KDM2B: variants seen among roughly 807,000 people sequenced by gnomAD.
KDM2B encodes lysine demethylase 2B.
A neutral mutation model predicts 150.0 loss-of-function variants in KDM2B; 26 were observed. That is an observed-to-expected ratio of 0.17 (90% CI 0.13 to 0.24). The LOEUF is 0.24. KDM2B is among the 10% of genes least tolerant of loss of function. The pLI is 1.00. For missense variants in KDM2B, 1,265 were observed against 1,816.9 expected (o/e 0.70, Z 5.52); for synonymous variants, 734 against 729.5 (o/e 1.01, Z -0.10).
At chr12:121,548,824 C>A in intron 6 of KDM2B, 53 bp downstream of exon 6, 1 of 1,448,704 alleles carries the variant, frequency 6.9e-7, no homozygotes, top group Non-Finnish European at 9.7e-7. Context: ...CCCCACCTCC[C>A]CAAGCCTGGG....
chr12:121,509,773 C>A lies in KDM2B; in HGVS notation c.1441G>T (p.Val481Leu). The change falls in exon 11 of 23, where the codon GTG becomes TTG. Residue 481 changes from valine to leucine, a missense_variant. By Grantham distance (32) the Val-to-Leu change is conservative. Transcript: ENST00000377071. ...RTLSNESEESVKSTTLAVDYP... is the reference protein window; with the variant it reads ...RTLSNESEESLKSTTLAVDYP... ...TCTACGGCCAATGTGGTGGACTTCA[C>A]ACTTTCCTCCGACTCATTAGACAAA... The A allele has an allele frequency of 6.2e-7, 1 of 1,614,140 alleles. No homozygotes were observed.
chr12:121,450,070 G>A (rs1224544841), intron 13 of KDM2B, among the ~76,000 whole-genome samples: 5 of 152,144 alleles, frequency 3.3e-5, no homozygotes, highest in African/African-American at 1.2e-4. Context: ...CAGCACTTTG[G>A]GAGGCCAAGG....
chr12:121,506,389 C>T (rs543972231), intron 11 of KDM2B, among the ~76,000 whole-genome samples: 223 of 152,164 alleles, frequency 1.5e-3, no homozygotes, highest in African/African-American at 5.1e-3. Context: ...GTGATGGCAC[C>T]CACGTCCCCC....
the KDM2B span, chr12:121,423,651 A>G: frequency 1.6e-6 from 2 of 1,264,872 alleles, no homozygotes; most frequent in East Asian, 2.4e-5. The surrounding 1 kb of genome is among the most constrained non-coding windows in gnomAD (Gnocchi z 4.3). Flanking sequence ...GGGACTGGAA[A>G]GTTATGTTCA....
In KDM2B at chr12:121,570,871, A is replaced by G. The variant is rs564190022; in HGVS notation, c.397+3676T>C. ...GTTCAACAAAAACCTGTATGTGAATATTTTTAGCAACATTATTCATAACAG... is the reference window on the plus strand; with the variant it reads ...GTTCAACAAAAACCTGTATGTGAATGTTTTTAGCAACATTATTCATAACAG... On this transcript the variant is annotated intron_variant, in intron 4 of 22. Transcript: ENST00000377071. Among the ~76,000 whole-genome samples, 3 of 152,354 alleles carry G rather than the reference A, an allele frequency of 2.0e-5. No individual in the cohort carries two copies. In the South Asian group the frequency reaches 6.2e-4, roughly 32 times the overall value.
At chr12:121,532,592 G>T (rs1887754838) in intron 8 of KDM2B, among the ~76,000 whole-genome samples, 1 of 152,206 alleles carries the variant, frequency 6.6e-6, no homozygotes, top group Admixed American at 6.5e-5. Context: ...CCTTCTCCAA[G>T]GGAGAGAGAA....
chr12:121,410,590 T>A, the KDM2B span, among the ~76,000 whole-genome samples: 1 of 150,898 alleles, frequency 6.6e-6, no homozygotes, highest in East Asian at 2.0e-4. Flanking sequence ...ATACTTCAAA[T>A]ATACTAGTGA....
At position 121,440,973 on chromosome 12, in the gene KDM2B, G is replaced by A. The variant is rs944475848; in HGVS notation, c.3453C>T (p.Leu1151=). 1 of 1,613,752 alleles carries A rather than the reference G, an allele frequency of 6.2e-7. No homozygotes were observed. Among genetic ancestry groups the A allele is most frequent in the African/African-American group, 1.3e-5 (1 of 75,054 alleles). ...AGCAGCCTGACAGCACCAAGTCCCG[G>A]AGCCCTGGGGGGACATAGAAAAGGG... is the stretch of plus-strand genomic sequence containing the variant. ...LSWLINRLPG[L]RDLVLSGCSW... The change falls in exon 21 of 23, where the codon CTC becomes CTT. Residue 1151 remains leucine, a synonymous_variant. Transcript: ENST00000377071.
At chr12:121,544,650 C>T (rs1215226896) in intron 6 of KDM2B, among the ~76,000 whole-genome samples, 2 of 151,148 alleles carry the variant, frequency 1.3e-5, no homozygotes, top group African/African-American at 4.9e-5. Context: ...TGGTGGCTCA[C>T]GCCTGTAATC....
At chr12:121,481,059 C>T (rs1882071547) in intron 12 of KDM2B, among the ~76,000 whole-genome samples, 1 of 151,828 alleles carries the variant, frequency 6.6e-6, no homozygotes, top group Non-Finnish European at 1.5e-5. Flanking sequence ...TCCCAAGTAG[C>T]TGGGACTACA....
intron 21 of KDM2B, 78 bp from the exon 22 acceptor site, chr12:121,440,153 G>T: frequency 9.6e-7 from 1 of 1,037,648 alleles, no homozygotes; most frequent in East Asian, 2.6e-5. Context: ...CACTCTAAAA[G>T]GCCCACCAGC....
At position 121,444,534 on chromosome 12, in the gene KDM2B, A is replaced by T; in HGVS notation, c.2106T>A (p.Ile702=). The change falls in exon 15 of 23, where the codon ATT becomes ATA. Residue 702 remains isoleucine, a splice_region_variant and synonymous_variant. Transcript: ENST00000377071. ...NEIIHPGCLK[I]KESEGVVNDE... ...CGTTGACCACACCCTCTGACTCCTTAATCTGCGGGGAACACCAGGACTCAG... is the reference window on the plus strand; with the variant it reads ...CGTTGACCACACCCTCTGACTCCTTTATCTGCGGGGAACACCAGGACTCAG... 1.9e-6 allele frequency: 3 copies of T among 1,613,886 alleles called. No individual in the cohort carries two copies. Among genetic ancestry groups the T allele is most frequent in the Non-Finnish European group, 2.5e-6 (3 of 1,179,880 alleles).
the KDM2B span, among the ~76,000 whole-genome samples, chr12:121,408,579 C>T: frequency 7.9e-5 from 12 of 152,232 alleles, no homozygotes; most frequent in African/African-American, 2.9e-4. Flanking sequence ...GATGCCTTTG[C>T]CCTGAGGAGG....
intron 12 of KDM2B, among the ~76,000 whole-genome samples, chr12:121,465,147 G>A (rs551973971): frequency 3.9e-4 from 59 of 152,170 alleles, no homozygotes; most frequent in Non-Finnish European, 6.8e-4. Context: ...GACTCCACAA[G>A]TGCCACAATC....
At chr12:121,542,033 G>T (rs554849238) in intron 6 of KDM2B, among the ~76,000 whole-genome samples, 5 of 152,266 alleles carry the variant, frequency 3.3e-5, no homozygotes, top group Non-Finnish European at 7.3e-5. Flanking sequence ...GTATGAGCTG[G>T]ACTTAGTGAT....
intron 8 of KDM2B, among the ~76,000 whole-genome samples, chr12:121,522,469 G>A (rs1161452383): frequency 2.0e-5 from 3 of 147,474 alleles, no homozygotes; most frequent in Non-Finnish European, 3.0e-5. Context: ...AGCCGAGATC[G>A]CACCATTGCA....
In KDM2B at chr12:121,444,025, C is replaced by T; in HGVS notation, c.2438G>A (p.Ser813Asn). The T allele has an allele frequency of 6.2e-7, 1 of 1,611,482 alleles. No homozygotes were observed. Among genetic ancestry groups the T allele is most frequent in the East Asian group, 2.2e-5 (1 of 44,838 alleles). Residue 813 changes from serine to asparagine, a missense_variant, in exon 16 of 23, where the codon AGT becomes AAT. By Grantham distance (46) the Ser-to-Asn change is conservative (BLOSUM62 1). Transcript: ENST00000377071. ...KRKYEKPQEL[S>N]GRKRASSLQT... ...CCTGGTCCGTACCCGCTTGCGTCCA[C>T]TCAGCTCCTGGGGCTTCTCGTATTT... is the stretch of plus-strand genomic sequence containing the variant.
chr12:121,473,321 G>A (rs1880969012), intron 12 of KDM2B, among the ~76,000 whole-genome samples: 1 of 151,290 alleles, frequency 6.6e-6, no homozygotes, highest in African/African-American at 2.4e-5. Context: ...GAACCTGGGA[G>A]ACGGAGGTTG....
chr12:121,444,166 C>T lies in KDM2B; in HGVS notation c.2297G>A (p.Arg766Gln), dbSNP rs554890102. ...GGGCGCCTCCTCACACTCACTCCTC[C>T]GCTTGGCAGGTTCCTGCCCTTCCTT... ...DNKEGQEPAK[R>Q]RSECEEAPRR... Residue 766 changes from arginine to glutamine, a missense_variant, in exon 16 of 23, where the codon CGG becomes CAG. By Grantham distance (43) the Arg-to-Gln change is conservative. This residue lies in a region of KDM2B where 418 missense variants were observed against 402.4 expected (regional missense o/e 1.04). Coordinates refer to ENST00000377071, the MANE Select transcript of KDM2B (RefSeq NM_032590.5). 6.2e-6 allele frequency: 10 copies of T among 1,612,480 alleles called. No individual in the cohort carries two copies. The highest frequency in any genetic ancestry group is 3.3e-5 in the Admixed American group (2 of 60,012).
Sources: gnomAD v4.1 joint callset for allele counts (sites outside exome capture counted in the v4.1 genomes callset) on GRCh38, gnomAD v4.1.1 for gene constraint, gnomAD v4.1.1 regional missense constraint, Gnocchi (gnomAD v3.1) non-coding constraint, MANE v1.5 for transcripts, NCBI Gene and HGNC (gene_info 2026-07-23, HGNC 2026-07-21) for gene names.